Variants in ZNRF3 observed in about 807,000 individuals in gnomAD.
ZNRF3 encodes E3 ubiquitin-protein ligase ZNRF3.
ZNRF3 carries 23 observed loss-of-function variants against 72.5 expected under a neutral mutation model. That is an observed-to-expected ratio of 0.32 (90% CI 0.23 to 0.45). The LOEUF (loss-of-function observed/expected upper bound fraction) is 0.45, where lower values mean the gene tolerates loss of function less well. Among genes scored for constraint, ZNRF3 ranks in the 20% least tolerant of loss-of-function variants. ZNRF3 has a pLI of 1.00. For synonymous variants in ZNRF3, 610 were observed against 545.3 expected (o/e 1.12, Z -1.65); for missense variants, 1,169 against 1,272.1 (o/e 0.92, Z 1.23).
At chr22:28,916,291 T>C (rs1221016068) in intron 1 of ZNRF3, among the ~76,000 whole-genome samples, 1 of 152,146 alleles carries the variant, frequency 6.6e-6, no homozygotes, top group Non-Finnish European at 1.5e-5. Context: ...CTTGAACTCT[T>C]AGACTCAAGG....
At chr22:28,989,636 G>A (rs1041105980) in intron 2 of ZNRF3, among the ~76,000 whole-genome samples, 2 of 152,152 alleles carry the variant, frequency 1.3e-5, no homozygotes, top group Admixed American at 6.5e-5. Flanking sequence ...AGCTAGCTTG[G>A]GGGTGGGAGC....
In ZNRF3 at chr22:29,048,641, C is replaced by T; in HGVS notation, c.1015+150C>T. On this transcript the variant is annotated intron_variant, in intron 7 of 8. Coordinates refer to ENST00000544604, the MANE Select transcript of ZNRF3 (RefSeq NM_001206998.2). The surrounding 1 kb of genome is among the most constrained non-coding windows in gnomAD (Gnocchi z 4.9). ...AGCCCTGGGTTTTGGAGGTTGTCTG[C>T]ACGACCCTTAGGAGAGCTTGGCATT... The T allele has an allele frequency of 1.4e-6, 1 of 719,386 alleles. No individual in the cohort carries two copies. The highest frequency in any genetic ancestry group is 1.7e-5 in the South Asian group (1 of 57,294). The allele number at this position is 719,386 out of a possible 1,614,324, so 44.6% of individuals were successfully genotyped here. A position where few individuals can be genotyped will look rare whatever the true frequency, so the allele number is the denominator to read the frequency against.
In ZNRF3 at chr22:28,912,736, C is replaced by T. The variant is rs561630061; in HGVS notation, c.300+28670C>T. Reference sequence around the variant, plus strand: ...CTGGAGTGCAATGGTTCAATCTCAGCTCACTGCAACCTCCGCCTCCCGGGT... The same window carrying T: ...CTGGAGTGCAATGGTTCAATCTCAGTTCACTGCAACCTCCGCCTCCCGGGT... On this transcript the variant is annotated intron_variant, in intron 1 of 8. Transcript: ENST00000544604. Among the ~76,000 whole-genome samples the T allele has an allele frequency of 1.1e-4, 17 of 150,268 alleles. No individual in the cohort carries two copies. The East Asian group carries it at 3.1e-3, about 28-fold the overall frequency.
intron 2 of ZNRF3, among the ~76,000 whole-genome samples, chr22:29,041,171 A>G (rs1421986017): frequency 6.6e-6 from 1 of 152,182 alleles, no homozygotes; most frequent in African/African-American, 2.4e-5. Flanking sequence ...TTGTGGAGAC[A>G]GGGTCTTGCT....
At chr22:28,998,234 G>T (rs75197835) in intron 2 of ZNRF3, among the ~76,000 whole-genome samples, 3,039 of 152,112 alleles carry the variant, frequency 0.02, 103 homozygotes, top group African/African-American at 0.067. Flanking sequence ...GAGAGGCAAA[G>T]GTTGCAGTGA....
chr22:28,886,501 T>C (rs972998842), intron 1 of ZNRF3, among the ~76,000 whole-genome samples: 21 of 152,240 alleles, frequency 1.4e-4, no homozygotes, highest in African/African-American at 4.3e-4. Flanking sequence ...TTAGAGATGA[T>C]GCTATGCTGA....
chr22:28,907,533 C>T (rs1171589433), intron 1 of ZNRF3, among the ~76,000 whole-genome samples: 4 of 152,140 alleles, frequency 2.6e-5, no homozygotes, highest in South Asian at 2.1e-4. Context: ...AGATGGTGTC[C>T]GTGCCTTTCA....
chr22:28,976,168 A>G (rs1268765940), intron 1 of ZNRF3, among the ~76,000 whole-genome samples: 5 of 152,140 alleles, frequency 3.3e-5, no homozygotes, highest in Non-Finnish European at 7.3e-5. Flanking sequence ...TTCATCATTT[A>G]TAAACATATA....
At chr22:28,970,891 A>G (rs2035562034) in intron 1 of ZNRF3, among the ~76,000 whole-genome samples, 1 of 152,224 alleles carries the variant, frequency 6.6e-6, no homozygotes, top group South Asian at 2.1e-4. Context: ...TCAGGGAACA[A>G]GAAACTTTCT....
Position 29,048,462 on chromosome 22 carries a change from C to G in ZNRF3, c.986C>G (p.Thr329Ser). The G allele has an allele frequency of 6.2e-7, 1 of 1,614,188 alleles. No individual in the cohort carries two copies. Among genetic ancestry groups the G allele is most frequent in the Non-Finnish European group, 8.5e-7 (1 of 1,180,010 alleles). The change falls in exon 7 of 9, where the codon ACC becomes AGC. Residue 329 changes from threonine (T) to serine (S), a missense_variant. Thr to Ser is a moderately conservative substitution (Grantham distance 58, BLOSUM62 1). Coordinates refer to ENST00000544604, the MANE Select transcript of ZNRF3 (RefSeq NM_001206998.2). This position sits in a 1 kb window ranked among gnomAD's most constrained non-coding sequence, Gnocchi z 4.9. ...GACCCCTGGCTGCTGCAGCACCACA[C>G]CTGCCCCCACTGTCGGCACAACATC... ...CVDPWLLQHH[T>S]CPHCRHNIIE...
At chr22:28,892,870 C>T (rs1457556643) in intron 1 of ZNRF3, among the ~76,000 whole-genome samples, 1 of 152,076 alleles carries the variant, frequency 6.6e-6, no homozygotes, top group African/African-American at 2.4e-5. Context: ...GAAGTGCCTG[C>T]ATTTAAAAAA....
intron 1 of ZNRF3, among the ~76,000 whole-genome samples, chr22:28,909,747 ATTT>A (rs11432409): frequency 9.7e-5 from 11 of 113,880 alleles, no homozygotes; most frequent in Admixed American, 1.0e-4. Context: ...TGCCTGGCTA[ATTT>A]TTTTTTTTTT....
At chr22:28,927,304 C>T (rs755487993) in intron 1 of ZNRF3, among the ~76,000 whole-genome samples, 5 of 151,962 alleles carry the variant, frequency 3.3e-5, no homozygotes, top group Non-Finnish European at 5.9e-5. Context: ...GCCTGTAATC[C>T]CAGCACTTTG....
intron 1 of ZNRF3, among the ~76,000 whole-genome samples, chr22:28,958,686 C>G (rs2123801560): frequency 6.6e-6 from 1 of 152,258 alleles, no homozygotes; most frequent in African/African-American, 2.4e-5. Context: ...ACAGAGGACA[C>G]CAGGAGCCTC....
At chr22:28,953,909 T>C (rs534161995) in intron 1 of ZNRF3, among the ~76,000 whole-genome samples, 28 of 152,312 alleles carry the variant, frequency 1.8e-4, no homozygotes, top group African/African-American at 6.5e-4. Flanking sequence ...TTGGCACTTA[T>C]TTGTATGTGA....
At chr22:28,913,011 G>A (rs941346655) in intron 1 of ZNRF3, among the ~76,000 whole-genome samples, 1 of 152,128 alleles carries the variant, frequency 6.6e-6, no homozygotes, top group South Asian at 2.1e-4. Flanking sequence ...TTTACTGAGC[G>A]GCTTGATTTA....
In ZNRF3 at chr22:29,056,866, C is replaced by G. The variant is rs540286023; in HGVS notation, c.*3244C>G. 1 of 152,250 alleles carries G rather than the reference C, an allele frequency of 6.6e-6. No homozygotes were observed. The highest frequency in any genetic ancestry group is 1.5e-5 in the Non-Finnish European group (1 of 68,050). The allele number at this position is 152,250 out of a possible 1,614,324, so 9.4% of individuals were successfully genotyped here. A position where few individuals can be genotyped will look rare whatever the true frequency, so the allele number is the denominator to read the frequency against. On this transcript the variant is annotated 3_prime_UTR_variant, in exon 9 of 9. Coordinates refer to ENST00000544604, the MANE Select transcript of ZNRF3 (RefSeq NM_001206998.2). ...GCCCTTTTATAAAATAAAGCCCCTT[C>G]TGTCCCACTGCTCACATACTTATGT...
Position 29,042,310 on chromosome 22 carries a change from A to G in ZNRF3, c.427-185A>G, listed in dbSNP as rs568798593. ...GAAACTATATGTTATTGTTAACTCT[A>G]GTCATCAGTCCCCTTCTTTATAGAT... On this transcript the variant is annotated intron_variant, in intron 2 of 8. Transcript: ENST00000544604. Among the ~76,000 whole-genome samples the G allele has an allele frequency of 2.6e-5, 4 of 152,314 alleles. No homozygotes were observed. The South Asian group carries it at 8.3e-4, about 32-fold the overall frequency.
intron 2 of ZNRF3, among the ~76,000 whole-genome samples, chr22:28,993,882 T>C (rs753004467): frequency 6.6e-6 from 1 of 152,090 alleles, no homozygotes; most frequent in Non-Finnish European, 1.5e-5. Flanking sequence ...AGAGTCTCAA[T>C]ATATTACCCA....
Sources: allele counts gnomAD v4.1 joint callset (sites outside exome capture counted in the v4.1 genomes callset), GRCh38; gene constraint gnomAD v4.1.1; non-coding constraint Gnocchi (gnomAD v3.1); transcripts MANE v1.5; gene names NCBI Gene and HGNC (gene_info 2026-07-23, HGNC 2026-07-21).